Variants in GPHN observed in about 807,000 individuals in gnomAD.
GPHN encodes gephyrin.
Under a neutral mutation model 95.5 loss-of-function variants are expected in GPHN, and 17 were observed. That is an observed-to-expected ratio of 0.18 (90% CI 0.12 to 0.27). The LOEUF is 0.27. GPHN is among the 10% of genes least tolerant of loss of function. The probability of loss-of-function intolerance (pLI) is 1.00; values close to 1 mark genes in which losing one functional copy is unlikely to be tolerated. For synonymous variants in GPHN, 320 were observed against 322.5 expected (o/e 0.99, Z 0.08); for missense variants, 660 against 978.1 (o/e 0.67, Z 4.34).
chr14:67,175,088 C>T (rs2082853736), intron 21 of GPHN, among the ~76,000 whole-genome samples: 1 of 152,076 alleles, frequency 6.6e-6, no homozygotes, highest in African/African-American at 2.4e-5. Context: ...TTAATTAGAT[C>T]CCATTTGTCA....
chr14:66,871,280 A>G (rs2063423532), intron 4 of GPHN, among the ~76,000 whole-genome samples: 1 of 152,198 alleles, frequency 6.6e-6, no homozygotes. Context: ...CCTTTCAGCT[A>G]TCTGTTGATA....
the GPHN span, chr14:67,617,467 C>T: frequency 6.6e-6 from 1 of 152,206 alleles, no homozygotes; most frequent in Admixed American, 6.5e-5. Flanking sequence ...TGGAATTTTC[C>T]ACTTGCGTTA....
chr14:67,276,068 G>C, the GPHN span, among the ~76,000 whole-genome samples: 3 of 152,076 alleles, frequency 2.0e-5, no homozygotes, highest in African/African-American at 7.2e-5. Context: ...CAAAAAATCA[G>C]CTCCTGGATT....
intron 1 of GPHN, among the ~76,000 whole-genome samples, chr14:66,595,439 C>T (rs1022216760): frequency 1.3e-5 from 2 of 152,160 alleles, no homozygotes; most frequent in African/African-American, 4.8e-5. Flanking sequence ...GCCTGCTTGG[C>T]TTGTTCTGCC....
chr14:66,570,626 T>C (rs180950589), intron 1 of GPHN, among the ~76,000 whole-genome samples: 1 of 152,280 alleles, frequency 6.6e-6, no homozygotes, highest in East Asian at 1.9e-4. Context: ...ACTTTTGATA[T>C]ATACCCAGAA....
intron 1 of GPHN, among the ~76,000 whole-genome samples, chr14:66,639,552 G>T (rs1038582881): frequency 6.6e-6 from 1 of 151,200 alleles, no homozygotes; most frequent in African/African-American, 2.4e-5. Context: ...AATATAAAAT[G>T]ACTTGAACAT....
chr14:67,651,922 A>G, the GPHN span, among the ~76,000 whole-genome samples: 1 of 152,102 alleles, frequency 6.6e-6, no homozygotes, highest in African/African-American at 2.4e-5. Flanking sequence ...TATCAACCCA[A>G]ATGGGTATGT....
the GPHN span, among the ~76,000 whole-genome samples, chr14:67,559,060 G>A: frequency 5.3e-5 from 8 of 152,294 alleles, no homozygotes; most frequent in African/African-American, 1.4e-4. Context: ...AGAGTCTGAC[G>A]TTGTCTGATG....
chr14:67,226,865 T>C, the GPHN span, among the ~76,000 whole-genome samples: 5 of 152,342 alleles, frequency 3.3e-5, no homozygotes, highest in African/African-American at 1.2e-4. Context: ...CTTAACTTGT[T>C]GTATGGTGTG....
chr14:67,585,880 A>G, the GPHN span: 4 of 1,487,542 alleles, frequency 2.7e-6, no homozygotes, highest in Non-Finnish European at 2.7e-6. Flanking sequence ...TAGAAGAGAC[A>G]GGGGATGCTG....
intron 4 of GPHN, among the ~76,000 whole-genome samples, chr14:66,838,149 C>T (rs1196405835): frequency 1.3e-5 from 2 of 152,090 alleles, no homozygotes; most frequent in African/African-American, 4.8e-5. Flanking sequence ...CAACCCCATG[C>T]AATTTACTTA....
At chr14:66,573,775 T>A (rs915618096) in intron 1 of GPHN, among the ~76,000 whole-genome samples, 1 of 152,042 alleles carries the variant, frequency 6.6e-6, no homozygotes, top group Admixed American at 6.6e-5. Flanking sequence ...CTTTTTTTTT[T>A]AATCTCTTGT....
chr14:67,631,141 G>T, the GPHN span, among the ~76,000 whole-genome samples: 1 of 151,968 alleles, frequency 6.6e-6, no homozygotes, highest in Non-Finnish European at 1.5e-5. Flanking sequence ...CATCCCCCTT[G>T]ACCTTAGGTA....
chr14:66,590,637 A>C (rs1225564609), intron 1 of GPHN, among the ~76,000 whole-genome samples: 1 of 152,104 alleles, frequency 6.6e-6, no homozygotes, highest in Non-Finnish European at 1.5e-5. Flanking sequence ...ACCAATAACA[A>C]GTTCTGAAAT....
chr14:67,208,973 A>C, the GPHN span, among the ~76,000 whole-genome samples: 1 of 152,116 alleles, frequency 6.6e-6, no homozygotes, highest in African/African-American at 2.4e-5. Context: ...TCAAAGATTT[A>C]TGATGTACCA....
At chr14:67,683,312 A>G in the GPHN span, among the ~76,000 whole-genome samples, 138 of 152,284 alleles carry the variant, frequency 9.1e-4, no homozygotes, top group African/African-American at 3.1e-3. Flanking sequence ...TCTCTAGGGA[A>G]GAAGAATCCA....
the GPHN span, chr14:67,620,783 G>T: frequency 3.0e-6 from 3 of 986,332 alleles, no homozygotes; most frequent in Non-Finnish European, 4.8e-6. Context: ...TGATGGAAGG[G>T]CTGATGCTGT....
chr14:67,520,493 A>G, the GPHN span, among the ~76,000 whole-genome samples: 12 of 152,362 alleles, frequency 7.9e-5, no homozygotes, highest in South Asian at 1.0e-3. Flanking sequence ...AGTTGCCTCC[A>G]TGCCATTTTA....
intron 21 of GPHN, among the ~76,000 whole-genome samples, chr14:67,174,852 A>G (rs1294743791): frequency 1.3e-5 from 2 of 151,758 alleles, no homozygotes; most frequent in African/African-American, 2.4e-5. Context: ...ATTTTTTCAT[A>G]TGTCTATTGG....
Sources: allele counts gnomAD v4.1 joint callset (sites outside exome capture counted in the v4.1 genomes callset), GRCh38; gene constraint gnomAD v4.1.1; transcripts MANE v1.5; gene names NCBI Gene and HGNC (gene_info 2026-07-23, HGNC 2026-07-21).